The following COL21A1 variants were observed in gnomAD, a reference collection of about 807,000 sequenced individuals.
COL21A1 encodes collagen type XXI alpha 1 chain, also known as collagen alpha-1(XXI) chain.
Under a neutral mutation model 137.9 loss-of-function variants are expected in COL21A1, and 149 were observed. That is an observed-to-expected ratio of 1.08 (90% CI 0.95 to 1.24). COL21A1 has a LOEUF of 1.24. COL21A1 is among the 50% of genes most tolerant of loss of function. The pLI is 0.00. For missense variants in COL21A1, 1,167 were observed against 1,158.4 expected (o/e 1.01, Z -0.11); for synonymous variants, 456 against 391.5 (o/e 1.16, Z -1.95).
chr6:56,230,741 TTTC>T (rs1411678647), intron 1 of COL21A1, among the ~76,000 whole-genome samples: 1 of 151,938 alleles, frequency 6.6e-6, no homozygotes, highest in Non-Finnish European at 1.5e-5. Context: ...AAATGTTTTA[TTTC>T]TTATTTTCAA....
intron 1 of COL21A1, among the ~76,000 whole-genome samples, chr6:56,237,229 T>C (rs1226137379): frequency 6.6e-6 from 1 of 152,110 alleles, no homozygotes; most frequent in Non-Finnish European, 1.5e-5. Context: ...CTACATGTCT[T>C]CATTGCAACT....
chr6:56,131,977 A>G (rs1773587131), intron 12 of COL21A1, among the ~76,000 whole-genome samples: 1 of 152,054 alleles, frequency 6.6e-6, no homozygotes, highest in East Asian at 1.9e-4. Context: ...TAAAAGGAAG[A>G]AAAATTATTT....
chr6:56,176,364 A>C (rs1030970085), intron 3 of COL21A1, among the ~76,000 whole-genome samples: 1 of 152,176 alleles, frequency 6.6e-6, no homozygotes, highest in South Asian at 2.1e-4. Flanking sequence ...ATATTTGCAA[A>C]CCATATATCT....
At chr6:56,118,829 T>C (rs913383004) in intron 16 of COL21A1, among the ~76,000 whole-genome samples, 2 of 151,974 alleles carry the variant, frequency 1.3e-5, no homozygotes, top group Non-Finnish European at 2.9e-5. Context: ...CAGATAACCA[T>C]ATGATCATTT....
intron 1 of COL21A1, among the ~76,000 whole-genome samples, chr6:56,348,947 A>C (rs997683776): frequency 6.6e-6 from 1 of 152,210 alleles, no homozygotes; most frequent in African/African-American, 2.4e-5. Flanking sequence ...TGGGGTAAAA[A>C]TTCAATGTGA....
chr6:56,061,757 A>G lies in COL21A1; in HGVS notation c.2173-76T>C, dbSNP rs1046571750. 3.9e-5 allele frequency: 36 copies of G among 916,186 alleles called. No individual in the cohort carries two copies. In the African/African-American group the frequency reaches 6.1e-4, roughly 15 times the overall value. 56.8% of individuals were successfully genotyped at this position (916,186 alleles called of 1,614,324 possible). A position where few individuals can be genotyped will look rare whatever the true frequency, so the allele number is the denominator to read the frequency against. On this transcript the variant is annotated intron_variant, in intron 24 of 29. Coordinates refer to ENST00000244728, the MANE Select transcript of COL21A1 (RefSeq NM_030820.4). ...TAATGTGGCATCCACCTTTTACCACATACTTAATTAAATTTAAAATTTCAA... is the reference window on the plus strand; with the variant it reads ...TAATGTGGCATCCACCTTTTACCACGTACTTAATTAAATTTAAAATTTCAA...
chr6:56,106,900 C>T (rs1208225805), intron 16 of COL21A1, among the ~76,000 whole-genome samples: 1 of 152,074 alleles, frequency 6.6e-6, no homozygotes, highest in Non-Finnish European at 1.5e-5. Context: ...CATTCTCCTG[C>T]CTCAGCCTCC....
chr6:56,069,083 G>T lies in COL21A1; in HGVS notation c.2054C>A (p.Pro685Gln), dbSNP rs1260276540. 2 of 1,599,314 alleles carry T rather than the reference G, an allele frequency of 1.3e-6. No individual in the cohort carries two copies. Among genetic ancestry groups the T allele is most frequent in the East Asian group, 4.6e-5 (2 of 43,788 alleles). Residue 685 changes from proline (P) to glutamine (Q), a missense_variant, in exon 22 of 30, where the codon CCA becomes CAA. Physicochemically the swap from Pro to Gln is moderately conservative, Grantham distance 76. Transcript: ENST00000244728. Reference sequence around the variant, plus strand: ...AATCCCGGGTAAACCCATGTATCCTGGTTCTCCTGGGGAACCCGTTGCTCC... The same window carrying T: ...AATCCCGGGTAAACCCATGTATCCTTGTTCTCCTGGGGAACCCGTTGCTCC... The part of the protein sequence containing the change: ...EPGATGSPGE[P>Q]GYMGLPGIQG...
At chr6:56,111,623 G>A (rs1771439693) in intron 16 of COL21A1, among the ~76,000 whole-genome samples, 1 of 151,924 alleles carries the variant, frequency 6.6e-6, no homozygotes, top group Admixed American at 6.6e-5. Context: ...CAGCACTTTG[G>A]GAATCTGAGG....
At position 56,179,846 on chromosome 6, in the gene COL21A1, G is replaced by A. The variant is rs759882696; in HGVS notation, c.372C>T (p.Leu124=). 2 of 1,613,736 alleles carry A rather than the reference G, an allele frequency of 1.2e-6. No homozygotes were observed. The highest frequency in any genetic ancestry group is 2.2e-5 in the East Asian group (1 of 44,886). Residue 124 remains leucine (L), a synonymous_variant, in exon 3 of 30, where the codon CTC becomes CTT. Transcript: ENST00000244728. ...GTGAGGACTTGGCAAAAAGGTAATC[G>A]AGCGCAAACTGGATGGCCTTCCCTG... ...TKTGKAIQFA[L]DYLFAKSSRF... is the part of the protein sequence containing the mutation.
intron 17 of COL21A1, among the ~76,000 whole-genome samples, chr6:56,098,372 T>C (rs1172353167): frequency 2.3e-5 from 1 of 43,422 alleles, no homozygotes; most frequent in African/African-American, 1.2e-4. Flanking sequence ...TGAATATATA[T>C]AAATATATAT....
At chr6:56,352,924 C>G (rs909654210) in intron 1 of COL21A1, among the ~76,000 whole-genome samples, 3 of 152,064 alleles carry the variant, frequency 2.0e-5, no homozygotes, top group Non-Finnish European at 2.9e-5. Flanking sequence ...GTCTGTAGTC[C>G]CTGCTACTCG....
intron 10 of COL21A1, among the ~76,000 whole-genome samples, chr6:56,146,874 C>A (rs1774876344): frequency 6.6e-6 from 1 of 152,076 alleles, no homozygotes; most frequent in South Asian, 2.1e-4. Context: ...TAAATCTAAT[C>A]CTCTCTCATA....
chr6:56,292,817 GATTGTA>G (rs1435990769), intron 1 of COL21A1, among the ~76,000 whole-genome samples: 1 of 152,172 alleles, frequency 6.6e-6, no homozygotes, highest in Non-Finnish European at 1.5e-5. Flanking sequence ...CTCAAGCTTA[GATTGTA>G]ATTGTAAAGT....
chr6:56,147,971 A>T (rs189089657), intron 10 of COL21A1, among the ~76,000 whole-genome samples: 11 of 152,228 alleles, frequency 7.2e-5, no homozygotes, highest in Non-Finnish European at 1.3e-4. Flanking sequence ...AAATTCAGTA[A>T]ACCCTCCCTC....
intron 1 of COL21A1, among the ~76,000 whole-genome samples, chr6:56,268,931 C>CTGAAT (rs1175237703): frequency 6.6e-6 from 1 of 152,168 alleles, no homozygotes; most frequent in Non-Finnish European, 1.5e-5. Context: ...AAGAACAAAA[C>CTGAAT]TGAATTTCTG....
intron 1 of COL21A1, among the ~76,000 whole-genome samples, chr6:56,246,180 A>G (rs1782628873): frequency 6.6e-6 from 1 of 152,210 alleles, no homozygotes. Flanking sequence ...GAGAATTGGC[A>G]TGAATCCCTT....
At chr6:56,107,545 ATCT>A (rs1283657418) in intron 16 of COL21A1, among the ~76,000 whole-genome samples, 6 of 152,172 alleles carry the variant, frequency 3.9e-5, no homozygotes, top group African/African-American at 1.4e-4. Flanking sequence ...TTAAACTCTC[ATCT>A]TCATAGGAAA....
At chr6:56,317,805 G>T (rs576684890) in intron 1 of COL21A1, among the ~76,000 whole-genome samples, 1 of 151,962 alleles carries the variant, frequency 6.6e-6, no homozygotes, top group East Asian at 1.9e-4. Context: ...ATCCCTTGCC[G>T]CCTTCATGAT....
Sources: gnomAD v4.1 joint callset for allele counts (sites outside exome capture counted in the v4.1 genomes callset) on GRCh38, gnomAD v4.1.1 for gene constraint, MANE v1.5 for transcripts, NCBI Gene and HGNC (gene_info 2026-07-23, HGNC 2026-07-21) for gene names.